SPINDOC: variants seen among roughly 807,000 people sequenced by gnomAD.
The protein encoded by SPINDOC is spindlin interactor and repressor of chromatin binding.
SPINDOC carries 13 observed loss-of-function variants against 30.7 expected under a neutral mutation model. That is an observed-to-expected ratio of 0.42 (90% CI 0.28 to 0.67). SPINDOC has a LOEUF of 0.67. Among genes scored for constraint, SPINDOC ranks in the 30% least tolerant of loss-of-function variants. The probability of loss-of-function intolerance (pLI) is 0.22; values close to 1 mark genes in which losing one functional copy is unlikely to be tolerated. For synonymous variants in SPINDOC, 228 were observed against 211.4 expected, an observed-to-expected ratio of 1.08 and a Z score of -0.68; for missense variants, 438 against 518.0, an observed-to-expected ratio of 0.85 and a Z score of 1.50.
chr11:63,820,708 G>A (rs967450052), intron 5 of SPINDOC, among the ~76,000 whole-genome samples: 2 of 150,912 alleles, frequency 1.3e-5, no homozygotes, highest in Admixed American at 6.6e-5. Flanking sequence ...TGGCTAACAC[G>A]GTGAAACCCC....
rs541167542 is a variant in SPINDOC, at chr11:63,827,390, C to G, written c.*251C>G. On this transcript the variant is annotated 3_prime_UTR_variant, in exon 6 of 6. Transcript: ENST00000294244. The stretch of plus-strand genomic sequence containing the variant: ...CTGGGCCTGTGGAGAACACCTACCC[C>G]AGTCCTTCGCTGACCCCCACCTCTG... The G allele has an allele frequency of 1.1e-4, 63 of 587,792 alleles. 1 individual carries two copies. In the East Asian group the frequency reaches 1.8e-3, roughly 17 times the overall value. 36.4% of individuals were successfully genotyped at this position (587,792 alleles called of 1,614,324 possible).
intron 5 of SPINDOC, chr11:63,823,470 C>A: frequency 2.0e-6 from 1 of 494,022 alleles, no homozygotes; most frequent in Admixed American, 4.3e-5. Context: ...TCCAGGAAGA[C>A]TCTAGAACCT....
At position 63,818,169 on chromosome 11, in the gene SPINDOC, G is replaced by C; in HGVS notation, c.457+35G>C. ...CCTGGGGCTGGCGAAGGGAGAAGTC[G>C]GACTTGTTGGGGCACTAGAAGCTCA... On this transcript the variant is annotated intron_variant, in intron 2 of 5. Transcript: ENST00000294244. The surrounding 1 kb of genome is among the most constrained non-coding windows in gnomAD (Gnocchi z 5.3). 6.2e-7 allele frequency: 1 copy of C among 1,613,120 alleles called. No homozygotes were observed. The highest frequency in any genetic ancestry group is 8.5e-7 in the Non-Finnish European group (1 of 1,179,298).
In SPINDOC at chr11:63,818,543, G is replaced by A. The variant is rs368837169; in HGVS notation, c.624G>A (p.Glu208=). ...PLELPAVPAT[E]PGNKKPRGQR... is the part of the protein sequence containing the mutation. ...TTTTTGCAGCTGTCCCTGCCACAGAGCCAGGAAATAAGAAGCCCCGTGGTC... is the reference window on the plus strand; with the variant it reads ...TTTTTGCAGCTGTCCCTGCCACAGAACCAGGAAATAAGAAGCCCCGTGGTC... Residue 208 remains glutamate, a synonymous_variant, in exon 4 of 6, where the codon GAG becomes GAA. Transcript: ENST00000294244. This position sits in a 1 kb window ranked among gnomAD's most constrained non-coding sequence, Gnocchi z 5.3. 7 of 1,612,942 alleles carry A rather than the reference G, an allele frequency of 4.3e-6. No homozygotes were observed. The highest frequency in any genetic ancestry group is 5.9e-6 in the Non-Finnish European group (7 of 1,180,022).
chr11:63,818,667 CGG>C lies in SPINDOC; in HGVS notation c.733+19_733+20del. ...CCCTGACCCAGGTGAAGGGGAGGCCCGGGGGAGGCGTGGGCTCTGGCCGCAGT... is the reference window on the plus strand; with the variant it reads ...CCCTGACCCAGGTGAAGGGGAGGCCCGGGAGGCGTGGGCTCTGGCCGCAGT... On this transcript the variant is annotated intron_variant, in intron 4 of 5. Transcript: ENST00000294244. The surrounding 1 kb of genome is among the most constrained non-coding windows in gnomAD (Gnocchi z 5.3). 3 of 1,613,180 alleles carry C rather than the reference CGG, an allele frequency of 1.9e-6. No individual in the cohort carries two copies. Among genetic ancestry groups the C allele is most frequent in the Non-Finnish European group, 2.5e-6 (3 of 1,179,882 alleles).
At chr11:63,815,768 ATTTT>A (rs34469401) in intron 1 of SPINDOC, among the ~76,000 whole-genome samples, 2 of 142,198 alleles carry the variant, frequency 1.4e-5, no homozygotes, top group Non-Finnish European at 3.1e-5. Context: ...ATGGTCATGG[ATTTT>A]TTTTTTTTTT....
At chr11:63,823,788 C>T (rs2015588966) in intron 5 of SPINDOC, among the ~76,000 whole-genome samples, 4 of 151,716 alleles carry the variant, frequency 2.6e-5, no homozygotes, top group South Asian at 2.1e-4. Flanking sequence ...TTAGTAGAGA[C>T]GGGGTTTCAC....
chr11:63,819,447 G>A (rs1459269323), intron 5 of SPINDOC, among the ~76,000 whole-genome samples: 22 of 151,480 alleles, frequency 1.5e-4, no homozygotes. Context: ...TTGACCTCAG[G>A]TGATCCAACT....
intron 5 of SPINDOC, 89 bp downstream of exon 5, chr11:63,819,091 C>A: frequency 3.3e-6 from 1 of 302,546 alleles, no homozygotes; most frequent in Non-Finnish European, 6.2e-6. Context: ...ATGGCAGAGC[C>A]CACAGTAGGG....
At chr11:63,814,235 C>T (rs1427560201) in intron 1 of SPINDOC, among the ~76,000 whole-genome samples, 4 of 152,236 alleles carry the variant, frequency 2.6e-5, no homozygotes, top group Non-Finnish European at 5.9e-5. Flanking sequence ...GGCGAAGCCT[C>T]TAGGCCGGAG....
At chr11:63,823,363 T>C (rs961625145) in intron 5 of SPINDOC, 2 of 1,173,972 alleles carry the variant, frequency 1.7e-6, no homozygotes, top group African/African-American at 1.6e-5. Flanking sequence ...CCTGCCACTT[T>C]AAAAAAAATT....
At chr11:63,822,866 G>A (rs1453673659) in intron 5 of SPINDOC, 4 of 1,289,090 alleles carry the variant, frequency 3.1e-6, no homozygotes, top group Non-Finnish European at 4.0e-6. Context: ...GATGAGAAGA[G>A]AATCCCTGAG....
intron 5 of SPINDOC, 65 bp downstream of exon 5, chr11:63,819,067 A>T: frequency 9.7e-7 from 1 of 1,026,620 alleles, no homozygotes; most frequent in Non-Finnish European, 1.3e-6. Flanking sequence ...GCCAGGCCTC[A>T]GAGAGGCTGC....
At chr11:63,825,650 A>G (rs144673250) in intron 5 of SPINDOC, among the ~76,000 whole-genome samples, 9 of 152,292 alleles carry the variant, frequency 5.9e-5, no homozygotes, top group African/African-American at 1.9e-4. Flanking sequence ...TTAATGAACA[A>G]ATGGGGTTCA....
At chr11:63,815,045 T>C (rs1364556461) in intron 1 of SPINDOC, among the ~76,000 whole-genome samples, 2 of 152,204 alleles carry the variant, frequency 1.3e-5, no homozygotes, top group African/African-American at 4.8e-5. Context: ...TTGAAGAACA[T>C]ATATATACCA....
intron 1 of SPINDOC, among the ~76,000 whole-genome samples, chr11:63,814,620 C>T (rs964255724): frequency 9.8e-5 from 15 of 152,322 alleles, no homozygotes; most frequent in African/African-American, 3.1e-4. Flanking sequence ...TCCCACCCCG[C>T]TTTTCTTAGG....
At chr11:63,816,545 A>G (rs1057097357) in intron 1 of SPINDOC, among the ~76,000 whole-genome samples, 3 of 152,094 alleles carry the variant, frequency 2.0e-5, no homozygotes, top group African/African-American at 7.2e-5. Flanking sequence ...GTATCCATGC[A>G]AGCCGAGGCT....
chr11:63,826,987 G>C lies in SPINDOC; in HGVS notation c.994G>C (p.Glu332Gln). 6.2e-7 allele frequency: 1 copy of C among 1,613,698 alleles called. No individual in the cohort carries two copies. The highest frequency in any genetic ancestry group is 8.5e-7 in the Non-Finnish European group (1 of 1,179,660). ...DLQVIRVRME[E>Q]PPAVSLLQDW... The stretch of plus-strand genomic sequence containing the variant: ...CCAGGTTATCCGCGTGCGGATGGAG[G>C]AGCCCCCAGCGGTCAGCCTCCTGCA... Residue 332 changes from glutamate (E) to glutamine (Q), a missense_variant, in exon 6 of 6, where the codon GAG (glutamate) becomes CAG (glutamine). Physicochemically the swap from Glu to Gln is conservative, Grantham distance 29. Around this residue, in one of 3 missense-constraint regions of SPINDOC, gnomAD observed 300 missense variants for 332.8 expected, o/e 0.90. Coordinates refer to ENST00000294244, the MANE Select transcript of SPINDOC (RefSeq NM_138471.3).
At chr11:63,819,279 C>T (rs1417285743) in intron 5 of SPINDOC, among the ~76,000 whole-genome samples, 2 of 152,214 alleles carry the variant, frequency 1.3e-5, no homozygotes, top group Non-Finnish European at 2.9e-5. Context: ...AGCACAAGCC[C>T]GGCTCACTAC....
Sources: gnomAD v4.1 joint callset for allele counts (sites outside exome capture counted in the v4.1 genomes callset) on GRCh38, gnomAD v4.1.1 for gene constraint, gnomAD v4.1.1 regional missense constraint, Gnocchi (gnomAD v3.1) non-coding constraint, MANE v1.5 for transcripts, NCBI Gene and HGNC (gene_info 2026-07-23, HGNC 2026-07-21) for gene names.